Variants in NRG1 observed in about 807,000 individuals in gnomAD.
The protein encoded by NRG1 is pro-neuregulin-1, membrane-bound isoform.
Under a neutral mutation model 63.8 loss-of-function variants are expected in NRG1, and 18 were observed. The observed-to-expected ratio is 0.28, with a 90% CI of 0.19 to 0.42. The LOEUF (loss-of-function observed/expected upper bound fraction) is 0.42, where lower values mean the gene tolerates loss of function less well. Among genes scored for constraint, NRG1 ranks in the 10% least tolerant of loss-of-function variants. The probability of loss-of-function intolerance (pLI) is 1.00; values close to 1 mark genes in which losing one functional copy is unlikely to be tolerated. For missense variants in NRG1, 762 were observed against 814.7 expected (o/e 0.94, Z 0.79); for synonymous variants, 302 against 301.3 (o/e 1.00, Z -0.02).
intron 1 of NRG1, among the ~76,000 whole-genome samples, chr8:32,550,303 A>C (rs1206401377): frequency 6.6e-6 from 1 of 152,114 alleles, no homozygotes; most frequent in Non-Finnish European, 1.5e-5. Flanking sequence ...TTATTCAACA[A>C]GATAGGAAAT....
At chr8:32,419,513 G>A (rs1816404198) in intron 1 of NRG1, among the ~76,000 whole-genome samples, 1 of 152,150 alleles carries the variant, frequency 6.6e-6, no homozygotes, top group Non-Finnish European at 1.5e-5. Flanking sequence ...CCCAATCAAT[G>A]TGCCCTATAA....
intron 1 of NRG1, chr8:32,098,888 G>A (rs1830211255): frequency 6.6e-6 from 1 of 152,198 alleles, no homozygotes; most frequent in Non-Finnish European, 1.5e-5. Context: ...ATAACCATGG[G>A]TAGCCATAGG....
At chr8:32,063,761 CA>C (rs1338639849) in intron 1 of NRG1, among the ~76,000 whole-genome samples, 5 of 151,550 alleles carry the variant, frequency 3.3e-5, no homozygotes, top group Non-Finnish European at 5.9e-5. Flanking sequence ...GTGTTTAATA[CA>C]CTTTTTTATG....
intron 1 of NRG1, among the ~76,000 whole-genome samples, chr8:31,941,219 C>A (rs1456910624): frequency 6.6e-6 from 1 of 152,120 alleles, no homozygotes; most frequent in Non-Finnish European, 1.5e-5. Flanking sequence ...AGGTTTCACA[C>A]TAGGGATGCA....
chr8:32,539,838 A>G (rs560823315), intron 1 of NRG1, among the ~76,000 whole-genome samples: 1 of 152,350 alleles, frequency 6.6e-6, no homozygotes, highest in East Asian at 1.9e-4. Context: ...CATGCCACTG[A>G]GATTTTACTA....
At chr8:32,280,479 G>A (rs1309895208) in intron 1 of NRG1, among the ~76,000 whole-genome samples, 1 of 152,106 alleles carries the variant, frequency 6.6e-6, no homozygotes, top group African/African-American at 2.4e-5. Context: ...ACACAAAAGG[G>A]CAATTATTGT....
intron 1 of NRG1, among the ~76,000 whole-genome samples, chr8:31,670,342 G>A (rs1426215551): frequency 6.6e-6 from 1 of 151,934 alleles, no homozygotes. Context: ...CTCCTACACT[G>A]CAGGCCTTCC....
In NRG1 at chr8:32,235,551, T is replaced by C. The variant is rs564647726; in HGVS notation, c.38-360277T>C. 2.6e-5 allele frequency among the ~76,000 whole-genome samples: 4 copies of C among 152,296 alleles called. No homozygotes were observed. In the East Asian group the frequency reaches 5.8e-4, roughly 22 times the overall value. ...CAAATTCTGAGCCCCCATCCCATTA[T>C]AGTTGGTAAGTCTAGGATGAGACCA... is the stretch of plus-strand genomic sequence containing the variant. On this transcript the variant is annotated intron_variant, in intron 1 of 10. Transcript: ENST00000519301.
intron 1 of NRG1, among the ~76,000 whole-genome samples, chr8:32,187,000 C>T (rs1326291088): frequency 6.6e-6 from 1 of 152,202 alleles, no homozygotes; most frequent in Non-Finnish European, 1.5e-5. Context: ...CTCCCTTTAT[C>T]ATAGGTTGGC....
intron 1 of NRG1, among the ~76,000 whole-genome samples, chr8:31,866,953 A>G (rs998193737): frequency 1.3e-5 from 2 of 148,608 alleles, no homozygotes; most frequent in African/African-American, 4.9e-5. Context: ...TCAATCACTC[A>G]GTAATTTTTA....
At chr8:32,274,854 T>C (rs1304891421) in intron 1 of NRG1, among the ~76,000 whole-genome samples, 1 of 152,050 alleles carries the variant, frequency 6.6e-6, no homozygotes, top group Non-Finnish European at 1.5e-5. Flanking sequence ...GATTAATGTC[T>C]CTCTGGGAAA....
chr8:31,797,858 G>T (rs1449455578), intron 1 of NRG1, among the ~76,000 whole-genome samples: 1 of 152,168 alleles, frequency 6.6e-6, no homozygotes, highest in Non-Finnish European at 1.5e-5. Context: ...CCACCAAAAG[G>T]AATGAAATTC....
At chr8:32,055,192 G>A (rs1822715413) in intron 1 of NRG1, among the ~76,000 whole-genome samples, 1 of 152,000 alleles carries the variant, frequency 6.6e-6, no homozygotes, top group African/African-American at 2.4e-5. Flanking sequence ...TTTTGCACTA[G>A]CTGAATGTTG....
chr8:31,956,294 T>G (rs12550308), intron 1 of NRG1, among the ~76,000 whole-genome samples: 102,766 of 151,954 alleles, frequency 0.68, 37,500 homozygotes, highest in Non-Finnish European at 0.82. Context: ...ACAGGGTGAC[T>G]TTGTAAGTGG....
chr8:31,921,531 G>A (rs994465369), intron 1 of NRG1, among the ~76,000 whole-genome samples: 9 of 152,040 alleles, frequency 5.9e-5, no homozygotes, highest in African/African-American at 2.2e-4. Flanking sequence ...TCTGGCAACA[G>A]GAAGAGCATG....
At chr8:32,667,867 G>T (rs868455586) in intron 5 of NRG1, among the ~76,000 whole-genome samples, 8 of 152,186 alleles carry the variant, frequency 5.3e-5, no homozygotes, top group South Asian at 4.2e-4. Flanking sequence ...TTTTTCCATA[G>T]ATAACGATGA....
intron 1 of NRG1, among the ~76,000 whole-genome samples, chr8:32,385,305 G>T (rs541983720): frequency 6.6e-6 from 1 of 152,242 alleles, no homozygotes; most frequent in Non-Finnish European, 1.5e-5. Context: ...GATTACAGGC[G>T]TGAGCCACCG....
At chr8:32,734,287 A>G (rs369595966) in intron 6 of NRG1, among the ~76,000 whole-genome samples, 10 of 152,354 alleles carry the variant, frequency 6.6e-5, no homozygotes, top group African/African-American at 2.4e-4. Context: ...AGCTGAATTA[A>G]TATAATTAAA....
At chr8:32,045,300 A>G (rs962721841) in intron 1 of NRG1, among the ~76,000 whole-genome samples, 2 of 151,956 alleles carry the variant, frequency 1.3e-5, no homozygotes, top group Non-Finnish European at 2.9e-5. Context: ...TGTATGCTAA[A>G]AACTACAAAC....
Sources: gnomAD v4.1 joint callset for allele counts (sites outside exome capture counted in the v4.1 genomes callset) on GRCh38, gnomAD v4.1.1 for gene constraint, MANE v1.5 for transcripts, NCBI Gene and HGNC (gene_info 2026-07-23, HGNC 2026-07-21) for gene names.